SDK2: variants seen among roughly 807,000 people sequenced by gnomAD.
The protein encoded by SDK2 is protein sidekick-2.
Under a neutral mutation model 253.9 loss-of-function variants are expected in SDK2, and 105 were observed. The ratio of observed to expected loss-of-function variants is 0.41; its 90% CI spans 0.35 to 0.49. The LOEUF is 0.49. Among genes scored for constraint, SDK2 ranks in the 20% least tolerant of loss-of-function variants. The pLI, the probability that SDK2 is intolerant of heterozygous loss-of-function variation, is 0.06. For missense variants in SDK2, 2,608 were observed against 3,003.0 expected, an observed-to-expected ratio of 0.87 and a Z score of 3.07; for synonymous variants, 1,249 against 1,234.9, an observed-to-expected ratio of 1.01 and a Z score of -0.24.
intron 16 of SDK2, among the ~76,000 whole-genome samples, chr17:73,416,214 TGAGACGGAGTC>T (rs2063181393): frequency 2.0e-5 from 3 of 150,980 alleles, no homozygotes; most frequent in African/African-American, 4.9e-5. Flanking sequence ...TTTTTTTTTT[TGAGACGGAGTC>T]TTGTTCTGTC....
chr17:73,376,727 T>C (rs75295991), intron 36 of SDK2, among the ~76,000 whole-genome samples: 18,710 of 152,224 alleles, frequency 0.12, 1,165 homozygotes, highest in African/African-American at 0.15. Flanking sequence ...CTGCTGGCGC[T>C]GCCCTGGCCC....
chr17:73,481,708 C>T lies in SDK2; in HGVS notation c.225-9490G>A, dbSNP rs1234096688. Among the ~76,000 whole-genome samples the T allele has an allele frequency of 6.6e-6, 1 of 152,102 alleles. No homozygotes were observed. The highest frequency in any genetic ancestry group is 2.4e-5 in the African/African-American group (1 of 41,400). On this transcript the variant is annotated intron_variant, in intron 2 of 44. Coordinates refer to ENST00000392650, the MANE Select transcript of SDK2 (RefSeq NM_001144952.2). This position sits in a 1 kb window ranked among gnomAD's most constrained non-coding sequence, Gnocchi z 4.5. ...AATGTGCTGTCTTGGGAGGAGATGC[C>T]CATCTTCTCCTGCCCTTGGACGCTG...
chr17:73,349,182 G>A (rs2062512744), intron 43 of SDK2, among the ~76,000 whole-genome samples: 1 of 152,126 alleles, frequency 6.6e-6, no homozygotes, highest in Non-Finnish European at 1.5e-5. Flanking sequence ...CAGCCTGGCG[G>A]GGCTGCTATG....
At chr17:73,565,083 G>A (rs1032398804) in intron 1 of SDK2, among the ~76,000 whole-genome samples, 1 of 152,200 alleles carries the variant, frequency 6.6e-6, no homozygotes, top group Admixed American at 6.5e-5. Context: ...TCTAGCTCCT[G>A]CCAAGTGGGG....
intron 33 of SDK2, among the ~76,000 whole-genome samples, chr17:73,381,522 G>A (rs1337376168): frequency 3.3e-5 from 5 of 152,160 alleles, no homozygotes; most frequent in African/African-American, 1.2e-4. Flanking sequence ...TCATTTTGTT[G>A]TCTGCTAACT....
rs75579314 is a variant in SDK2, at chr17:73,334,811, G to A, written c.*3776C>T. 0.043 allele frequency: 6,593 copies of A among 152,434 alleles called. 200 individuals are homozygous for A. Among genetic ancestry groups the A allele is most frequent in the Non-Finnish European group, 0.069 (4,725 of 68,180 alleles). 9.4% of individuals were successfully genotyped at this position (152,434 alleles called of 1,614,324 possible). On this transcript the variant is annotated 3_prime_UTR_variant, in exon 45 of 45. Coordinates refer to ENST00000392650, the MANE Select transcript of SDK2 (RefSeq NM_001144952.2). Reference sequence around the variant, plus strand: ...GGGCCATACAGAGGCACTGGGGAGCGGGTGGCGGCTGCTCAGATGGTCTCC... The same window carrying A: ...GGGCCATACAGAGGCACTGGGGAGCAGGTGGCGGCTGCTCAGATGGTCTCC...
intron 21 of SDK2, among the ~76,000 whole-genome samples, chr17:73,400,780 A>G (rs1409256417): frequency 1.3e-5 from 2 of 151,930 alleles, no homozygotes; most frequent in Admixed American, 6.6e-5. Context: ...CAGCCTCCCA[A>G]CTAACTGGGA....
chr17:73,393,828 G>C (rs1012116569), intron 26 of SDK2, 79 bp from the exon 27 acceptor site: 2 of 1,187,720 alleles, frequency 1.7e-6, no homozygotes, highest in Non-Finnish European at 2.3e-6. Flanking sequence ...TCATCCCCAG[G>C]ATGAGCAGCT....
At chr17:73,368,037 A>G (rs950669165) in intron 37 of SDK2, among the ~76,000 whole-genome samples, 1 of 152,164 alleles carries the variant, frequency 6.6e-6, no homozygotes, top group African/African-American at 2.4e-5. Context: ...TAAGACACTC[A>G]GTATTTGTGG....
At chr17:73,427,012 G>A (rs1022948868) in intron 12 of SDK2, among the ~76,000 whole-genome samples, 15 of 152,116 alleles carry the variant, frequency 9.9e-5, no homozygotes, top group Non-Finnish European at 1.5e-4. Context: ...GTGAACCCGG[G>A]AGGCAGAGCT....
rs117373546 is a variant in SDK2 at position 73,472,782 on chromosome 17, G to C, written c.225-564C>G. Among the ~76,000 whole-genome samples the C allele has an allele frequency of 0.012, 1,792 of 152,296 alleles. 84 individuals carry two copies. The East Asian group carries it at 0.17, about 14-fold the overall frequency. Reference sequence around the variant, plus strand: ...GGGAGGAACCAGGTGGGAGATAATTGAATCATGGGAGTGGGTCTTTCCATG... The same window carrying C: ...GGGAGGAACCAGGTGGGAGATAATTCAATCATGGGAGTGGGTCTTTCCATG... On this transcript the variant is annotated intron_variant, in intron 2 of 44. Coordinates refer to ENST00000392650, the MANE Select transcript of SDK2 (RefSeq NM_001144952.2).
chr17:73,560,591 C>T (rs544891078), intron 1 of SDK2, among the ~76,000 whole-genome samples: 3 of 152,364 alleles, frequency 2.0e-5, no homozygotes, highest in East Asian at 1.9e-4. Flanking sequence ...CCGCCTGCCT[C>T]GGCCTCCCAA....
rs776172323 is a variant in SDK2, at chr17:73,393,600, G to T, written c.3858C>A (p.Ser1286Arg). Residue 1286 changes from serine to arginine, a missense_variant, in exon 27 of 45, where the codon AGC becomes AGA. Around this residue, in one of 2 missense-constraint regions of SDK2, gnomAD observed 1,505 missense variants for 1,859.1 expected, o/e 0.81. Transcript: ENST00000392650. ...VLAFTRIGDGSPSHPPILERT... is the reference protein window; with the variant it reads ...VLAFTRIGDGRPSHPPILERT... Reference sequence around the variant, plus strand: ...GCTCCAGGATGGGAGGGTGGCTGGGGCTGCCGTCCCCGATGCGTGTGAAGG... The same window carrying T: ...GCTCCAGGATGGGAGGGTGGCTGGGTCTGCCGTCCCCGATGCGTGTGAAGG... 2 of 1,579,700 alleles carry T rather than the reference G, an allele frequency of 1.3e-6. No individual in the cohort carries two copies.
At chr17:73,605,791 C>T (rs1447917712) in intron 1 of SDK2, among the ~76,000 whole-genome samples, 1 of 152,150 alleles carries the variant, frequency 6.6e-6, no homozygotes, top group African/African-American at 2.4e-5. Flanking sequence ...AACACCAGCC[C>T]TTTGTGGCAC....
At chr17:73,458,190 G>A (rs2063540903) in intron 3 of SDK2, among the ~76,000 whole-genome samples, 1 of 152,078 alleles carries the variant, frequency 6.6e-6, no homozygotes, top group East Asian at 1.9e-4. Context: ...TGCCTAGGCT[G>A]GTCTGGAGCT....
At chr17:73,528,887 A>G (rs1006988188) in intron 1 of SDK2, among the ~76,000 whole-genome samples, 1 of 152,142 alleles carries the variant, frequency 6.6e-6, no homozygotes, top group Non-Finnish European at 1.5e-5. Flanking sequence ...GGACCATGGC[A>G]CCGACACAGG....
chr17:73,399,375 G>C, intron 21 of SDK2, 86 bp from the exon 22 acceptor site: 1 of 1,391,544 alleles, frequency 7.2e-7, no homozygotes, highest in Non-Finnish European at 1.0e-6. Flanking sequence ...GGAGGGGGCT[G>C]TGTGTCACGC....
chr17:73,358,038 T>A, intron 40 of SDK2, 41 bp downstream of exon 40: 1 of 1,611,970 alleles, frequency 6.2e-7, no homozygotes, highest in South Asian at 1.1e-5. Context: ...AGAAGGGAGA[T>A]AATGAGCTGT....
At chr17:73,529,937 C>T (rs1033509251) in intron 1 of SDK2, among the ~76,000 whole-genome samples, 4 of 152,304 alleles carry the variant, frequency 2.6e-5, no homozygotes, top group South Asian at 2.1e-4. Flanking sequence ...GTTGTTAACA[C>T]GGTAGTGGGA....
Sources: allele counts gnomAD v4.1 joint callset (sites outside exome capture counted in the v4.1 genomes callset), GRCh38; gene constraint gnomAD v4.1.1; regional missense constraint gnomAD v4.1.1; non-coding constraint Gnocchi (gnomAD v3.1); transcripts MANE v1.5; gene names NCBI Gene and HGNC (gene_info 2026-07-23, HGNC 2026-07-21).